Variants in TRIP4 observed in about 807,000 individuals in gnomAD.
The protein encoded by TRIP4 is activating signal cointegrator 1.
In TRIP4, 54 loss-of-function variants were observed where a neutral mutation model predicts 81.8. The observed-to-expected ratio is 0.66, with a 90% CI of 0.53 to 0.83. The LOEUF (loss-of-function observed/expected upper bound fraction) is 0.83, where lower values mean the gene tolerates loss of function less well. Ranked by LOEUF, TRIP4 falls within the 40% of genes least tolerant of loss-of-function variation. The pLI is 0.00. For missense variants in TRIP4, 662 were observed against 683.6 expected, an observed-to-expected ratio of 0.97 and a Z score of 0.35; for synonymous variants, 270 against 242.8, an observed-to-expected ratio of 1.11 and a Z score of -1.04.
intron 11 of TRIP4, among the ~76,000 whole-genome samples, chr15:64,433,445 AC>A (rs569662017): frequency 2.6e-5 from 4 of 152,164 alleles, no homozygotes; most frequent in Admixed American, 2.6e-4. Flanking sequence ...TACTAAAAAT[AC>A]AAAAAAAATT....
intron 9 of TRIP4, among the ~76,000 whole-genome samples, chr15:64,420,123 C>CTT (rs756319494): frequency 1.5e-5 from 2 of 135,966 alleles, no homozygotes; most frequent in Admixed American, 7.4e-5. Flanking sequence ...TTCTTTCTTT[C>CTT]TTTTTTTTTT....
intron 5 of TRIP4, among the ~76,000 whole-genome samples, chr15:64,402,642 G>C (rs932848437): frequency 1.3e-5 from 2 of 151,418 alleles, no homozygotes; most frequent in Non-Finnish European, 2.9e-5. Flanking sequence ...TCCTGCTTCA[G>C]CCTCTCAAGT....
intron 11 of TRIP4, among the ~76,000 whole-genome samples, chr15:64,427,566 A>G (rs527989195): frequency 6.6e-6 from 1 of 152,142 alleles, no homozygotes; most frequent in African/African-American, 2.4e-5. Context: ...AGTAGAGACA[A>G]GATTTCACCA....
chr15:64,445,880 A>G (rs2140313905), intron 12 of TRIP4, among the ~76,000 whole-genome samples: 1 of 152,282 alleles, frequency 6.6e-6, no homozygotes, highest in Admixed American at 6.5e-5. Context: ...GTCAGCCAAA[A>G]GAGTGTTTTG....
chr15:64,441,306 G>A (rs1395264262), intron 11 of TRIP4, among the ~76,000 whole-genome samples: 1 of 151,850 alleles, frequency 6.6e-6, no homozygotes, highest in Admixed American at 6.6e-5. Context: ...AATTCATTGC[G>A]TTTTTATTCA....
intron 9 of TRIP4, among the ~76,000 whole-genome samples, chr15:64,423,675 A>G (rs1000492549): frequency 6.6e-6 from 1 of 152,150 alleles, no homozygotes; most frequent in Non-Finnish European, 1.5e-5. Flanking sequence ...AAGGATTTCC[A>G]TATCTCTAAT....
intron 11 of TRIP4, among the ~76,000 whole-genome samples, chr15:64,438,550 C>T (rs1279124049): frequency 4.6e-5 from 7 of 152,170 alleles, no homozygotes; most frequent in Non-Finnish European, 1.0e-4. Flanking sequence ...AACTCCCAAC[C>T]TCAGGTGATG....
intron 6 of TRIP4, 127 bp downstream of exon 6, chr15:64,406,586 T>G: frequency 8.6e-7 from 1 of 1,161,860 alleles, no homozygotes; most frequent in South Asian, 1.6e-5. Context: ...AAGAGCCAGA[T>G]GCTCTACATA....
In TRIP4 at chr15:64,418,579, T is replaced by C; in HGVS notation, c.1209T>C (p.Ala403=). ...DHTGAASQKK[A]FRSSGFGLEF... ...CAGGTGCAGCCTCACAGAAGAAGGC[T>C]TTCCGTTCTTCAGGATTTGGACTAG... The change falls in exon 9 of 13, where the codon GCT becomes GCC. Residue 403 remains alanine (A), a synonymous_variant. Coordinates refer to ENST00000261884, the MANE Select transcript of TRIP4 (RefSeq NM_016213.5). The C allele has an allele frequency of 6.2e-7, 1 of 1,613,354 alleles. No homozygotes were observed. The highest frequency in any genetic ancestry group is 1.1e-5 in the South Asian group (1 of 91,030).
At chr15:64,419,599 C>T (rs1407857541) in intron 9 of TRIP4, among the ~76,000 whole-genome samples, 2 of 151,624 alleles carry the variant, frequency 1.3e-5, no homozygotes, top group Admixed American at 6.6e-5. Flanking sequence ...ACCTCGTGAT[C>T]CGCCCGCCTC....
At chr15:64,418,415 G>A (rs1249424517) in intron 8 of TRIP4, 126 bp from the exon 9 acceptor site, 1 of 1,095,680 alleles carries the variant, frequency 9.1e-7, no homozygotes, top group Non-Finnish European at 1.3e-6. Flanking sequence ...CCCGGCCTGG[G>A]ATATATTTTT....
intron 11 of TRIP4, among the ~76,000 whole-genome samples, chr15:64,427,996 ACC>A (rs1892186910): frequency 6.6e-6 from 1 of 151,270 alleles, no homozygotes; most frequent in Non-Finnish European, 1.5e-5. Flanking sequence ...TTATAAAAAT[ACC>A]TTACACTGGT....
At chr15:64,401,975 A>T (rs1431182136) in intron 5 of TRIP4, among the ~76,000 whole-genome samples, 1 of 152,208 alleles carries the variant, frequency 6.6e-6, no homozygotes, top group Non-Finnish European at 1.5e-5. Context: ...ATTGCAGTAT[A>T]GATCCAGTAT....
chr15:64,443,152 A>G (rs991439865), intron 11 of TRIP4, among the ~76,000 whole-genome samples: 2 of 152,234 alleles, frequency 1.3e-5, no homozygotes, highest in African/African-American at 4.8e-5. Context: ...AAAGGCAGGG[A>G]GTACAGATAA....
chr15:64,439,052 G>A (rs1892461407), intron 11 of TRIP4, among the ~76,000 whole-genome samples: 1 of 152,150 alleles, frequency 6.6e-6, no homozygotes, highest in Non-Finnish European at 1.5e-5. Context: ...CCCACTTTGG[G>A]CCAAGTGGTA....
intron 9 of TRIP4, among the ~76,000 whole-genome samples, chr15:64,420,288 T>A (rs948040720): frequency 1.0e-4 from 15 of 150,658 alleles, no homozygotes; most frequent in Admixed American, 3.3e-4. Flanking sequence ...CGCCTGGCTA[T>A]TTTTGTATTT....
intron 4 of TRIP4, among the ~76,000 whole-genome samples, chr15:64,399,932 G>T (rs1280087807): frequency 6.7e-6 from 1 of 149,342 alleles, no homozygotes; most frequent in Non-Finnish European, 1.5e-5. Context: ...CAGAGATGGT[G>T]CCACCGCACT....
At chr15:64,406,242 C>A in intron 5 of TRIP4, 88 bp from the exon 6 acceptor site, 1 of 1,521,110 alleles carries the variant, frequency 6.6e-7, no homozygotes, top group Non-Finnish European at 8.9e-7. Context: ...AGAACCAGAT[C>A]TTCTGATGTT....
intron 9 of TRIP4, 142 bp downstream of exon 9, chr15:64,418,870 T>C (rs1048373262): frequency 4.2e-5 from 31 of 742,184 alleles, no homozygotes; most frequent in Non-Finnish European, 6.1e-5. Context: ...AACAACATAT[T>C]CATGTTACTG....
Sources: gnomAD v4.1 joint callset for allele counts (sites outside exome capture counted in the v4.1 genomes callset) on GRCh38, gnomAD v4.1.1 for gene constraint, MANE v1.5 for transcripts, NCBI Gene and HGNC (gene_info 2026-07-23, HGNC 2026-07-21) for gene names.